The following SPHKAP variants were observed in gnomAD, a reference collection of about 807,000 sequenced individuals.
SPHKAP encodes SPHK1 interactor, AKAP domain containing, also known as A-kinase anchor protein SPHKAP.
Under a neutral mutation model 137.5 loss-of-function variants are expected in SPHKAP, and 67 were observed. That is an observed-to-expected ratio of 0.49 (90% CI 0.40 to 0.60). SPHKAP has a LOEUF of 0.60. Ranked by LOEUF, SPHKAP falls within the 20% of genes least tolerant of loss-of-function variation. The pLI is 0.00. For synonymous variants in SPHKAP, 813 were observed against 785.3 expected (o/e 1.04, Z -0.59); for missense variants, 2,097 against 2,069.3 (o/e 1.01, Z -0.26).
intron 3 of SPHKAP, among the ~76,000 whole-genome samples, chr2:228,106,398 A>G (rs1316577776): frequency 6.6e-6 from 1 of 152,196 alleles, no homozygotes; most frequent in African/African-American, 2.4e-5. Flanking sequence ...GGGTCCCCCC[A>G]GAGTTATGAA....
At chr2:227,989,978 G>A (rs1693356315) in intron 11 of SPHKAP, among the ~76,000 whole-genome samples, 1 of 152,116 alleles carries the variant, frequency 6.6e-6, no homozygotes. Flanking sequence ...GTATCAGGGA[G>A]ATTGACACCA....
At chr2:228,090,615 C>T (rs1316485325) in intron 3 of SPHKAP, among the ~76,000 whole-genome samples, 1 of 152,032 alleles carries the variant, frequency 6.6e-6, no homozygotes, top group East Asian at 1.9e-4. Context: ...AATGTAATTC[C>T]CAGTGTTGGA....
intron 3 of SPHKAP, among the ~76,000 whole-genome samples, chr2:228,099,054 T>G (rs1483280147): frequency 1.3e-5 from 2 of 152,188 alleles, no homozygotes; most frequent in Non-Finnish European, 2.9e-5. Flanking sequence ...CACTTGTCAA[T>G]TTTTGTTTTT....
chr2:228,053,613 A>G (rs1021848892), intron 3 of SPHKAP, among the ~76,000 whole-genome samples: 10 of 152,108 alleles, frequency 6.6e-5, no homozygotes, highest in African/African-American at 2.4e-4. Flanking sequence ...CAGCATTACT[A>G]TGGAATAAAC....
chr2:228,059,670 G>C (rs1574810431), intron 3 of SPHKAP, among the ~76,000 whole-genome samples: 1 of 152,122 alleles, frequency 6.6e-6, no homozygotes, highest in African/African-American at 2.4e-5. Context: ...ACAGCAAAAA[G>C]CATTCATTCA....
chr2:228,156,120 A>T (rs529789996), intron 1 of SPHKAP, among the ~76,000 whole-genome samples: 3 of 152,234 alleles, frequency 2.0e-5, no homozygotes, highest in Non-Finnish European at 4.4e-5. Context: ...CTTTGTAATA[A>T]GATCTTTTAT....
chr2:228,064,458 T>G (rs1449682227), intron 3 of SPHKAP, among the ~76,000 whole-genome samples: 1 of 152,244 alleles, frequency 6.6e-6, no homozygotes, highest in Non-Finnish European at 1.5e-5. Flanking sequence ...ATATTTGATT[T>G]GAAAATGTTA....
chr2:228,175,212 C>G (rs773915336), intron 1 of SPHKAP, among the ~76,000 whole-genome samples: 1 of 151,872 alleles, frequency 6.6e-6, no homozygotes, highest in Non-Finnish European at 1.5e-5. Context: ...ATCCAAGAAG[C>G]TCTTTGGATA....
At chr2:228,086,279 A>AGATAGTCTGTGAAAGTTAAACC (rs1697535031) in intron 3 of SPHKAP, among the ~76,000 whole-genome samples, 1 of 152,202 alleles carries the variant, frequency 6.6e-6, no homozygotes, top group Non-Finnish European at 1.5e-5. Flanking sequence ...CCGCTAGAAG[A>AGATAGTCTGTGAAAGTTAAACC]GATAGTCTGT....
In SPHKAP at chr2:228,017,780, G is replaced by T; in HGVS notation, c.3074C>A (p.Ser1025Tyr). The T allele has an allele frequency of 6.2e-7, 1 of 1,614,136 alleles. No individual in the cohort carries two copies. The highest frequency in any genetic ancestry group is 8.5e-7 in the Non-Finnish European group (1 of 1,180,026). The stretch of plus-strand genomic sequence containing the variant: ...ATCTGGGACATCTTCAAGGTTCATG[G>T]ACTCATCCACAACCCTGTTCATCAG... ...EKLMNRVVDE[S>Y]MNLEDVPDSV... The change falls in exon 7 of 12, where the codon TCC becomes TAC. Residue 1025 changes from serine to tyrosine, a missense_variant. Transcript: ENST00000392056.
At chr2:228,080,521 A>G (rs560459212) in intron 3 of SPHKAP, among the ~76,000 whole-genome samples, 95 of 152,252 alleles carry the variant, frequency 6.2e-4, no homozygotes, top group Admixed American at 3.6e-3. Flanking sequence ...AGCCTGGCCA[A>G]CATGGCAAAC....
chr2:228,124,226 A>C (rs918030108), intron 2 of SPHKAP, among the ~76,000 whole-genome samples: 5 of 152,204 alleles, frequency 3.3e-5, no homozygotes, highest in Non-Finnish European at 7.3e-5. Flanking sequence ...CAGCCATCCC[A>C]TTACTGGGTA....
In SPHKAP at chr2:228,005,459, G is replaced by T. The variant is rs570041801; in HGVS notation, c.4449-9765C>A. Among the ~76,000 whole-genome samples the T allele has an allele frequency of 1.6e-4, 25 of 152,188 alleles. No homozygotes were observed. The South Asian group carries it at 4.4e-3, about 27-fold the overall frequency. On this transcript the variant is annotated intron_variant, in intron 7 of 11. Transcript: ENST00000392056. ...CCTATGTGTCTCTGCATGTGAGATG[G>T]GTTTCCTGAATACAGCACACTGATG...
chr2:228,159,193 G>T (rs953309461), intron 1 of SPHKAP, among the ~76,000 whole-genome samples: 1 of 152,094 alleles, frequency 6.6e-6, no homozygotes, highest in Non-Finnish European at 1.5e-5. Context: ...GGCAAAAATT[G>T]TACCAAAGTT....
At chr2:228,180,043 A>G (rs1376015926) in intron 1 of SPHKAP, among the ~76,000 whole-genome samples, 1 of 152,110 alleles carries the variant, frequency 6.6e-6, no homozygotes, top group Non-Finnish European at 1.5e-5. Context: ...CTTTCCAAAC[A>G]CCTTAATGCC....
intron 7 of SPHKAP, among the ~76,000 whole-genome samples, chr2:228,004,645 T>C (rs1357031663): frequency 6.6e-6 from 1 of 152,188 alleles, no homozygotes; most frequent in East Asian, 1.9e-4. Context: ...TTAATTGTGA[T>C]GTTAGGGTGT....
chr2:228,113,140 C>T (rs537152839), intron 2 of SPHKAP, among the ~76,000 whole-genome samples: 362 of 151,998 alleles, frequency 2.4e-3, no homozygotes, highest in Non-Finnish European at 3.8e-3. Context: ...ATTTTATCAT[C>T]GTTAAAAATT....
At chr2:228,153,325 C>A (rs750981210) in intron 1 of SPHKAP, among the ~76,000 whole-genome samples, 3 of 152,170 alleles carry the variant, frequency 2.0e-5, no homozygotes, top group Admixed American at 6.6e-5. Context: ...AAACTTTCTT[C>A]ATTTTTTATT....
intron 7 of SPHKAP, among the ~76,000 whole-genome samples, chr2:228,009,806 T>G (rs943038453): frequency 6.6e-6 from 1 of 152,244 alleles, no homozygotes; most frequent in Non-Finnish European, 1.5e-5. Context: ...AATTCTATGA[T>G]GTGATGTTTT....
Sources: allele counts gnomAD v4.1 joint callset (sites outside exome capture counted in the v4.1 genomes callset), GRCh38; gene constraint gnomAD v4.1.1; transcripts MANE v1.5; gene names NCBI Gene and HGNC (gene_info 2026-07-23, HGNC 2026-07-21).